CAMKMT: variants seen among roughly 807,000 people sequenced by gnomAD.
CAMKMT encodes the protein calmodulin-lysine N-methyltransferase, also known as CaM KMT.
In CAMKMT, 53 loss-of-function variants were observed where a neutral mutation model predicts 48.0. The observed-to-expected ratio is 1.10, with a 90% CI of 0.89 to 1.39. The LOEUF is 1.39. Ranked by LOEUF, CAMKMT falls within the 40% of genes most tolerant of loss-of-function variation. The pLI is 0.00. For synonymous variants in CAMKMT, 165 were observed against 152.3 expected (o/e 1.08, Z -0.61); for missense variants, 428 against 402.7 (o/e 1.06, Z -0.54).
At chr2:44,661,578 G>C (rs879108460) in intron 3 of CAMKMT, among the ~76,000 whole-genome samples, 3 of 152,064 alleles carry the variant, frequency 2.0e-5, no homozygotes, top group Admixed American at 2.0e-4. Context: ...CCTTGGTATT[G>C]CTATAAGACT....
chr2:44,694,217 C>T, intron 3 of CAMKMT, among the ~76,000 whole-genome samples: 1 of 152,206 alleles, frequency 6.6e-6, no homozygotes, highest in Admixed American at 6.5e-5. Context: ...AGGATTTGCT[C>T]AGTCTTCAGG....
intron 3 of CAMKMT, among the ~76,000 whole-genome samples, chr2:44,444,238 G>T (rs1666848192): frequency 6.6e-6 from 1 of 152,162 alleles, no homozygotes; most frequent in Admixed American, 6.5e-5. Flanking sequence ...ATTCAGTCCT[G>T]CCTTGAGCAA....
chr2:44,418,705 A>G (rs1450877107), intron 3 of CAMKMT, among the ~76,000 whole-genome samples: 2 of 152,128 alleles, frequency 1.3e-5, no homozygotes, highest in East Asian at 3.8e-4. Flanking sequence ...CGTTTTTTCA[A>G]AATTGTTTTG....
chr2:44,622,351 T>A (rs761938145), intron 3 of CAMKMT, among the ~76,000 whole-genome samples: 1 of 152,176 alleles, frequency 6.6e-6, no homozygotes, highest in Non-Finnish European at 1.5e-5. Flanking sequence ...TTAAAAAACA[T>A]TTATTTTAGA....
intron 3 of CAMKMT, among the ~76,000 whole-genome samples, chr2:44,507,381 A>G (rs555250008): frequency 6.6e-6 from 1 of 152,288 alleles, no homozygotes; most frequent in East Asian, 1.9e-4. Context: ...TATAAAAAAA[A>G]CCTTATGGAT....
chr2:44,411,342 C>G (rs954966548), intron 3 of CAMKMT, among the ~76,000 whole-genome samples: 2 of 152,140 alleles, frequency 1.3e-5, no homozygotes, highest in African/African-American at 4.8e-5. Flanking sequence ...GAAAAAAAGA[C>G]ATTGTCTTAT....
chr2:44,486,245 GT>G (rs1669211594), intron 3 of CAMKMT, among the ~76,000 whole-genome samples: 1 of 152,096 alleles, frequency 6.6e-6, no homozygotes, highest in African/African-American at 2.4e-5. Flanking sequence ...GGGATTACAG[GT>G]GTGAGCCACC....
chr2:44,460,943 G>A (rs1185485897), intron 3 of CAMKMT, among the ~76,000 whole-genome samples: 3 of 151,782 alleles, frequency 2.0e-5, no homozygotes, highest in South Asian at 4.1e-4. Flanking sequence ...GGCTGGTCTC[G>A]AACTCCTGGC....
At chr2:44,683,841 AAAG>A (rs1676179216) in intron 3 of CAMKMT, among the ~76,000 whole-genome samples, 4 of 147,360 alleles carry the variant, frequency 2.7e-5, no homozygotes, top group Admixed American at 6.8e-5. Context: ...AAAAAAAAAA[AAAG>A]AAAAAGAAAA....
At chr2:44,504,790 C>T (rs139497234) in intron 3 of CAMKMT, among the ~76,000 whole-genome samples, 4 of 152,234 alleles carry the variant, frequency 2.6e-5, no homozygotes, top group African/African-American at 9.6e-5. Flanking sequence ...TGTTCAGTGT[C>T]TTGCCCATTG....
chr2:44,420,938 A>G (rs1372381941), intron 3 of CAMKMT, among the ~76,000 whole-genome samples: 1 of 152,018 alleles, frequency 6.6e-6, no homozygotes, highest in African/African-American at 2.4e-5. Context: ...TCATCACAGT[A>G]GTCAAGAGGA....
intron 3 of CAMKMT, among the ~76,000 whole-genome samples, chr2:44,515,777 TC>T (rs1208927234): frequency 1.6e-4 from 24 of 152,186 alleles, no homozygotes; most frequent in African/African-American, 5.6e-4. Context: ...GTTAGCTCTG[TC>T]TTCTTCTTTG....
chr2:44,718,944 G>A (rs554804447), intron 7 of CAMKMT, among the ~76,000 whole-genome samples: 26 of 152,122 alleles, frequency 1.7e-4, no homozygotes, highest in African/African-American at 5.5e-4. Context: ...TTGCCCTATT[G>A]CTTTTTAAAG....
intron 3 of CAMKMT, among the ~76,000 whole-genome samples, chr2:44,483,490 T>G (rs371715712): frequency 6.6e-6 from 1 of 152,104 alleles, no homozygotes; most frequent in Non-Finnish European, 1.5e-5. Context: ...GTTTAGAGAG[T>G]GTATATGAGT....
At chr2:44,683,215 C>CAAAA (rs11451906) in intron 3 of CAMKMT, among the ~76,000 whole-genome samples, 2 of 149,236 alleles carry the variant, frequency 1.3e-5, no homozygotes, top group African/African-American at 2.5e-5. Flanking sequence ...AAATAGAAAC[C>CAAAA]AAAAAAAAAA....
chr2:44,586,887 A>G (rs1375834697), intron 3 of CAMKMT, among the ~76,000 whole-genome samples: 1 of 152,198 alleles, frequency 6.6e-6, no homozygotes, highest in East Asian at 1.9e-4. Context: ...AAACTGCCAA[A>G]CTGTTTTCCA....
At chr2:44,614,207 A>C (rs562801443) in intron 3 of CAMKMT, among the ~76,000 whole-genome samples, 1 of 152,364 alleles carries the variant, frequency 6.6e-6, no homozygotes, top group Non-Finnish European at 1.5e-5. Flanking sequence ...TTGGGCAAAG[A>C]GGATAGCATG....
At chr2:44,375,085 C>G (rs1679545582) in intron 2 of CAMKMT, among the ~76,000 whole-genome samples, 2 of 152,070 alleles carry the variant, frequency 1.3e-5, no homozygotes, top group African/African-American at 2.4e-5. Context: ...GAGCCATAAT[C>G]ATGCCACTGC....
intron 3 of CAMKMT, among the ~76,000 whole-genome samples, chr2:44,590,690 C>G (rs1439260579): frequency 2.0e-5 from 3 of 152,036 alleles, no homozygotes; most frequent in Non-Finnish European, 2.9e-5. Context: ...AAATTTTCTC[C>G]CATTTTATGG....
Sources: gnomAD v4.1 joint callset for allele counts (sites outside exome capture counted in the v4.1 genomes callset) on GRCh38, gnomAD v4.1.1 for gene constraint, MANE v1.5 for transcripts, NCBI Gene and HGNC (gene_info 2026-07-23, HGNC 2026-07-21) for gene names.